Variants in GET4 observed in about 807,000 individuals in gnomAD.
GET4 encodes the protein Golgi to ER traffic protein 4 homolog.
In GET4, 20 loss-of-function variants were observed where a neutral mutation model predicts 40.0. That is an observed-to-expected ratio of 0.50 (90% CI 0.35 to 0.73). GET4 has a LOEUF of 0.73. Among genes scored for constraint, GET4 ranks in the 30% least tolerant of loss-of-function variants. GET4 has a pLI of 0.01. For missense variants in GET4, 557 were observed against 454.0 expected (o/e 1.23, Z -2.06); for synonymous variants, 280 against 194.6 (o/e 1.44, Z -3.65).
At chr7:886,215 G>T in intron 2 of GET4, 81 bp downstream of exon 2, 1 of 915,770 alleles carries the variant, frequency 1.1e-6, no homozygotes. Flanking sequence ...CACCTCCACT[G>T]ATGGGCAACC....
At chr7:890,617 G>A (rs1202509451) in intron 4 of GET4, among the ~76,000 whole-genome samples, 3 of 152,110 alleles carry the variant, frequency 2.0e-5, no homozygotes, top group South Asian at 2.1e-4. Flanking sequence ...AGGTGAGAAG[G>A]GTCACATGGT....
chr7:887,840 G>A (rs1257446528), intron 4 of GET4, among the ~76,000 whole-genome samples: 2 of 152,232 alleles, frequency 1.3e-5, no homozygotes, highest in Non-Finnish European at 2.9e-5. Context: ...TTCCAGCGCT[G>A]GGATGGTGCT....
chr7:884,606 G>A (rs1844151938), intron 1 of GET4: 1 of 261,742 alleles, frequency 3.8e-6, no homozygotes, highest in Non-Finnish European at 7.7e-6. Context: ...ATGTGGCGGG[G>A]CTGTCTGTGT....
chr7:878,981 C>CA (rs985244788), intron 1 of GET4, among the ~76,000 whole-genome samples: 1 of 151,892 alleles, frequency 6.6e-6, no homozygotes, highest in Non-Finnish European at 1.5e-5. Context: ...CAGACACCCC[C>CA]CCCCGAGTAG....
At chr7:888,929 G>A (rs555034078) in intron 4 of GET4, among the ~76,000 whole-genome samples, 6 of 152,374 alleles carry the variant, frequency 3.9e-5, no homozygotes, top group South Asian at 4.1e-4. Context: ...GAACAAATGC[G>A]TCAACACTGG....
At position 894,441 on chromosome 7, in the gene GET4, G is replaced by A. The variant is rs149308214; in HGVS notation, c.895+470G>A. Among the ~76,000 whole-genome samples the A allele has an allele frequency of 1.5e-4, 23 of 152,252 alleles. No individual in the cohort carries two copies. In the East Asian group the frequency reaches 3.5e-3, roughly 23 times the overall value. ...TCACTGAGCCGCCTGCCTTCCCAGC[G>A]TCACCTGTCTGGGTTTATTTTAGTG... On this transcript the variant is annotated intron_variant, in intron 8 of 8. Coordinates refer to ENST00000265857, the MANE Select transcript of GET4 (RefSeq NM_015949.3).
intron 1 of GET4, chr7:884,271 C>T (rs1383779115): frequency 1.5e-6 from 2 of 1,304,066 alleles, no homozygotes; most frequent in African/African-American, 1.5e-5. Flanking sequence ...CTTGTTTTTC[C>T]AGAGTGCCCT....
rs1483150765 is a variant in GET4 at position 893,894 on chromosome 7, T to C, written c.823-5T>C. 2 of 1,612,278 alleles carry C rather than the reference T, an allele frequency of 1.2e-6. No individual in the cohort carries two copies. Among genetic ancestry groups the C allele is most frequent in the Non-Finnish European group, 1.7e-6 (2 of 1,179,114 alleles). ...CCCTCTGAGCCCGCTGCCTGTGCCTTGCAGTACCTCGACCGCATAGGACAG... is the reference window on the plus strand; with the variant it reads ...CCCTCTGAGCCCGCTGCCTGTGCCTCGCAGTACCTCGACCGCATAGGACAG... On this transcript the variant is annotated splice_region_variant and splice_polypyrimidine_tract_variant and intron_variant, in intron 7 of 8. Coordinates refer to ENST00000265857, the MANE Select transcript of GET4 (RefSeq NM_015949.3).
At chr7:886,202 T>G in intron 2 of GET4, 68 bp downstream of exon 2, 2 of 1,003,792 alleles carry the variant, frequency 2.0e-6, no homozygotes, top group Non-Finnish European at 3.2e-6. Context: ...GGGAATGACC[T>G]CCCACCTCCA....
chr7:876,676 G>C lies in GET4; in HGVS notation c.31G>C (p.Glu11Gln). MAAAAAMAEQ[E>Q]SARNGGRNRG... ...GGCGGCGGCGGCGATGGCCGAGCAG[G>C]AGAGCGCCCGGAACGGCGGCCGCAA... Residue 11 changes from glutamate to glutamine, a missense_variant, in exon 1 of 9, where the codon GAG becomes CAG. Physicochemically the swap from Glu to Gln is conservative, Grantham distance 29. Transcript: ENST00000265857. 3.0e-6 allele frequency: 4 copies of C among 1,334,916 alleles called. No individual in the cohort carries two copies. Among genetic ancestry groups the C allele is most frequent in the East Asian group, 3.6e-5 (1 of 27,936 alleles). The allele number at this position is 1,334,916 out of a possible 1,614,324, so 82.7% of individuals were successfully genotyped here.
chr7:892,211 C>A, intron 5 of GET4, 67 bp from the exon 6 acceptor site: 1 of 1,531,036 alleles, frequency 6.5e-7, no homozygotes, highest in Non-Finnish European at 9.0e-7. Context: ...ATGTCGGAGG[C>A]CGGCGCCTGT....
intron 5 of GET4, 128 bp from the exon 6 acceptor site, chr7:892,150 C>A (rs545908484): frequency 3.4e-6 from 3 of 879,674 alleles, no homozygotes; most frequent in Non-Finnish European, 5.4e-6. Flanking sequence ...CACTGGGTCC[C>A]TCCATGGCCT....
chr7:890,909 TTC>T lies in GET4; in HGVS notation c.467-17_467-16del, dbSNP rs1186272832. 1 of 1,572,594 alleles carries T rather than the reference TTC, an allele frequency of 6.4e-7. No individual in the cohort carries two copies. The highest frequency in any genetic ancestry group is 1.3e-5 in the African/African-American group (1 of 74,078). On this transcript the variant is annotated splice_polypyrimidine_tract_variant and intron_variant, in intron 4 of 8. Coordinates refer to ENST00000265857, the MANE Select transcript of GET4 (RefSeq NM_015949.3). ...ATATTCGTGAAATGTATTTACATTT[TTC>T]TGTCTTTCCTTTGCAGAACAAAACT...
chr7:885,895 G>A, intron 1 of GET4, 161 bp from the exon 2 acceptor site: 3 of 628,510 alleles, frequency 4.8e-6, no homozygotes, highest in South Asian at 1.8e-5. Flanking sequence ...GGACACCCAG[G>A]ATAGACCCCC....
At chr7:886,704 C>A in intron 3 of GET4, 54 bp downstream of exon 3, 1 of 1,134,582 alleles carries the variant, frequency 8.8e-7, no homozygotes, top group Non-Finnish European at 1.3e-6. Flanking sequence ...CCAGTACGCC[C>A]CTCCCCGGGT....
At chr7:889,765 G>A (rs1181125583) in intron 4 of GET4, among the ~76,000 whole-genome samples, 8 of 110,076 alleles carry the variant, frequency 7.3e-5, no homozygotes, top group Admixed American at 1.8e-4. Context: ...GGGAGCGCGA[G>A]CGGGTGTTAG....
At chr7:879,152 C>T (rs534755519) in intron 1 of GET4, among the ~76,000 whole-genome samples, 6 of 152,350 alleles carry the variant, frequency 3.9e-5, no homozygotes, top group Admixed American at 3.3e-4. Flanking sequence ...GGAATTGTTA[C>T]CTGGAAAACT....
intron 1 of GET4, chr7:883,404 C>G (rs1395361777): frequency 1.6e-6 from 1 of 613,550 alleles, no homozygotes; most frequent in Non-Finnish European, 2.0e-6. Flanking sequence ...TGAGCTCGGT[C>G]TTTCTTCATT....
chr7:886,785 G>T, intron 3 of GET4, 135 bp downstream of exon 3: 1 of 663,668 alleles, frequency 1.5e-6, no homozygotes. Flanking sequence ...TGCAGAGGCA[G>T]TTCCCACCCG....
Sources: allele counts gnomAD v4.1 joint callset (sites outside exome capture counted in the v4.1 genomes callset), GRCh38; gene constraint gnomAD v4.1.1; transcripts MANE v1.5; gene names NCBI Gene and HGNC (gene_info 2026-07-23, HGNC 2026-07-21).